SLC12A7: variants seen among roughly 807,000 people sequenced by gnomAD.
SLC12A7 encodes K-Cl cotransporter 4.
Under a neutral mutation model 120.6 loss-of-function variants are expected in SLC12A7, and 100 were observed. That is an observed-to-expected ratio of 0.83 (90% confidence interval 0.71 to 0.98). The LOEUF is 0.98. Among genes scored for constraint, SLC12A7 ranks in the 50% least tolerant of loss-of-function variants. The probability of loss-of-function intolerance (pLI) is 0.00; values close to 1 mark genes in which losing one functional copy is unlikely to be tolerated. For missense variants in SLC12A7, 1,373 were observed against 1,548.1 expected, an observed-to-expected ratio of 0.89 and a Z score of 1.90; for synonymous variants, 760 against 678.0, an observed-to-expected ratio of 1.12 and a Z score of -1.88.
At chr5:1,134,533 G>C in the SLC12A7 span, among the ~76,000 whole-genome samples, 2 of 152,132 alleles carry the variant, frequency 1.3e-5, no homozygotes, top group Non-Finnish European at 2.9e-5. Context: ...AATGAATGCT[G>C]TAAGAATGTG....
intron 9 of SLC12A7, among the ~76,000 whole-genome samples, chr5:1,081,126 A>G (rs1739051603): frequency 6.6e-6 from 1 of 151,684 alleles, no homozygotes; most frequent in Middle Eastern, 3.4e-3. Context: ...AGAGTGCCGG[A>G]GGAGAGAATG....
At position 1,073,773 on chromosome 5, in the gene SLC12A7, C is replaced by G; in HGVS notation, c.2101G>C (p.Asp701His). The change falls in exon 17 of 24, where the codon GAC becomes CAC. Residue 701 changes from aspartate to histidine, a missense_variant. Coordinates refer to ENST00000264930, the MANE Select transcript of SLC12A7 (RefSeq NM_006598.3). ...GGGTGCTTCACGGCCTGCTCCGCGT[C>G]CAGGTTCAGCATCACCAGCACCTGG... ...RPQVLVMLNL[D>H]AEQAVKHPRL... 1 of 1,476,290 alleles carries G rather than the reference C, an allele frequency of 6.8e-7. No individual in the cohort carries two copies. Among genetic ancestry groups the G allele is most frequent in the Non-Finnish European group, 9.0e-7 (1 of 1,109,644 alleles). The allele number at this position is 1,476,290 out of a possible 1,614,324, so 91.4% of individuals were successfully genotyped here.
At chr5:1,085,937 C>CG (rs1215665028) in intron 6 of SLC12A7, among the ~76,000 whole-genome samples, 1 of 152,212 alleles carries the variant, frequency 6.6e-6, no homozygotes, top group African/African-American at 2.4e-5. Context: ...ACCACGCCGG[C>CG]GGGGGGCAAC....
At chr5:1,090,368 G>T (rs1740362038) in intron 3 of SLC12A7, among the ~76,000 whole-genome samples, 1 of 152,226 alleles carries the variant, frequency 6.6e-6, no homozygotes, top group Admixed American at 6.5e-5. Flanking sequence ...GGATTCACTT[G>T]GTTCCCTGAG....
the SLC12A7 span, among the ~76,000 whole-genome samples, chr5:1,146,035 T>C: frequency 2.0e-5 from 3 of 152,232 alleles, no homozygotes; most frequent in East Asian, 3.9e-4. The surrounding 1 kb of genome is among the most constrained non-coding windows in gnomAD (Gnocchi z 6.5). Flanking sequence ...CCCCAGCCCC[T>C]GGCAGTCCCC....
the SLC12A7 span, among the ~76,000 whole-genome samples, chr5:1,134,860 G>A: frequency 6.8e-4 from 104 of 152,148 alleles, no homozygotes; most frequent in Non-Finnish European, 1.3e-3. Context: ...ACGGCCAGGC[G>A]CGGTGGCTCA....
the SLC12A7 span, among the ~76,000 whole-genome samples, chr5:1,135,006 A>G: frequency 6.7e-6 from 1 of 149,984 alleles, no homozygotes; most frequent in African/African-American, 2.5e-5. Context: ...GGGGGCCTGT[A>G]ATCCCAGCTA....
At chr5:1,074,775 C>G in intron 15 of SLC12A7, 104 bp from the exon 16 acceptor site, 1 of 1,068,480 alleles carries the variant, frequency 9.4e-7, no homozygotes. Flanking sequence ...GCAAACAGGA[C>G]CCCCAGGAAA....
chr5:1,063,217 C>T (rs1736500237), intron 20 of SLC12A7, among the ~76,000 whole-genome samples: 1 of 152,238 alleles, frequency 6.6e-6, no homozygotes, highest in Non-Finnish European at 1.5e-5. Context: ...GAGGGCCTGT[C>T]TGTCCCACGT....
chr5:1,136,581 T>G, the SLC12A7 span, among the ~76,000 whole-genome samples: 1 of 130,182 alleles, frequency 7.7e-6, no homozygotes, highest in Admixed American at 7.7e-5. Flanking sequence ...GGCACACATA[T>G]GCTCAGACAC....
chr5:1,145,844 G>C, the SLC12A7 span, among the ~76,000 whole-genome samples: 1 of 151,900 alleles, frequency 6.6e-6, no homozygotes, highest in African/African-American at 2.4e-5. The surrounding 1 kb of genome is among the most constrained non-coding windows in gnomAD (Gnocchi z 4.4). Context: ...TTTCTTTTTG[G>C]TATTTTTTGT....
At chr5:1,074,847 G>A (rs1180314092) in intron 15 of SLC12A7, 176 bp from the exon 16 acceptor site, 1 of 620,990 alleles carries the variant, frequency 1.6e-6, no homozygotes, top group African/African-American at 1.8e-5. Flanking sequence ...GCCCGTCCTA[G>A]GAGCCACCGG....
At chr5:1,151,885 T>G in the SLC12A7 span, among the ~76,000 whole-genome samples, 1 of 152,074 alleles carries the variant, frequency 6.6e-6, no homozygotes, top group Non-Finnish European at 1.5e-5. This position sits in a 1 kb window ranked among gnomAD's most constrained non-coding sequence, Gnocchi z 6.2. Flanking sequence ...GCACGCCAGG[T>G]GACGAATCCT....
At chr5:1,137,600 G>A in the SLC12A7 span, among the ~76,000 whole-genome samples, 1 of 152,102 alleles carries the variant, frequency 6.6e-6, no homozygotes, top group Non-Finnish European at 1.5e-5. Flanking sequence ...GTTCCCCTCC[G>A]GGTGGTCCCC....
intron 1 of SLC12A7, among the ~76,000 whole-genome samples, chr5:1,104,490 A>T (rs1313744564): frequency 6.6e-6 from 1 of 152,126 alleles, no homozygotes; most frequent in African/African-American, 2.4e-5. Flanking sequence ...AACCAAGCAC[A>T]CGGGCATGCT....
chr5:1,108,879 G>T (rs1325668610), intron 1 of SLC12A7, among the ~76,000 whole-genome samples: 3 of 152,180 alleles, frequency 2.0e-5, no homozygotes, highest in Non-Finnish European at 4.4e-5. Context: ...ACGCAACCGG[G>T]CCTCTGTCAG....
chr5:1,104,808 C>T (rs1234938084), intron 1 of SLC12A7, among the ~76,000 whole-genome samples: 5 of 152,248 alleles, frequency 3.3e-5, no homozygotes, highest in Non-Finnish European at 7.3e-5. Flanking sequence ...AAAAAGACAC[C>T]GCCCAAGGGG....
intron 3 of SLC12A7, among the ~76,000 whole-genome samples, chr5:1,090,803 G>A (rs905625058): frequency 3.3e-5 from 5 of 152,220 alleles, no homozygotes; most frequent in East Asian, 1.9e-4. Flanking sequence ...GGGCATGGCC[G>A]GCCTTGGCCT....
chr5:1,153,369 T>C, the SLC12A7 span, among the ~76,000 whole-genome samples: 1 of 152,222 alleles, frequency 6.6e-6, no homozygotes, highest in Admixed American at 6.5e-5. Context: ...TGTGCAAACA[T>C]TCACAGCCTG....
Sources: gnomAD v4.1 joint callset for allele counts (sites outside exome capture counted in the v4.1 genomes callset) on GRCh38, gnomAD v4.1.1 for gene constraint, Gnocchi (gnomAD v3.1) non-coding constraint, MANE v1.5 for transcripts, NCBI Gene and HGNC (gene_info 2026-07-23, HGNC 2026-07-21) for gene names.